Variants in MDGA2 observed in about 807,000 individuals in gnomAD.
The protein encoded by MDGA2 is MAM domain containing glycosylphosphatidylinositol anchor 2.
A neutral mutation model predicts 117.8 loss-of-function variants in MDGA2; 40 were observed. That is an observed-to-expected ratio of 0.34 (90% CI 0.26 to 0.44). MDGA2 has a LOEUF of 0.44. Ranked by LOEUF, MDGA2 falls within the 20% of genes least tolerant of loss-of-function variation. MDGA2 has a pLI of 1.00. For missense variants in MDGA2, 1,123 were observed against 1,250.6 expected (o/e 0.90, Z 1.54); for synonymous variants, 452 against 439.0 (o/e 1.03, Z -0.37).
chr14:46,875,205 G>C (rs1882176557), intron 12 of MDGA2, among the ~76,000 whole-genome samples: 1 of 151,800 alleles, frequency 6.6e-6, no homozygotes, highest in East Asian at 1.9e-4. Flanking sequence ...TTAAAGAACA[G>C]AGACTTCCAT....
intron 1 of MDGA2, 27 bp from the exon 2 acceptor site, chr14:47,301,577 A>C (rs933559274): frequency 1.3e-6 from 2 of 1,551,256 alleles, no homozygotes; most frequent in Admixed American, 3.9e-5. Context: ...AAGAGAGACA[A>C]GATACATGAA....
At chr14:46,925,737 A>C (rs958442983) in intron 9 of MDGA2, among the ~76,000 whole-genome samples, 1 of 152,114 alleles carries the variant, frequency 6.6e-6, no homozygotes, top group African/African-American at 2.4e-5. Context: ...CATTCTATGA[A>C]AGAATAATTG....
intron 9 of MDGA2, among the ~76,000 whole-genome samples, chr14:46,947,806 C>T (rs554918881): frequency 1.3e-5 from 2 of 151,908 alleles, no homozygotes; most frequent in Non-Finnish European, 2.9e-5. Flanking sequence ...TGAAAACAGA[C>T]TAATACAGTC....
intron 1 of MDGA2, among the ~76,000 whole-genome samples, chr14:47,640,179 G>C (rs919287382): frequency 6.6e-6 from 1 of 152,088 alleles, no homozygotes; most frequent in Non-Finnish European, 1.5e-5. Flanking sequence ...TCACCCTCAA[G>C]TTTAATGCCA....
At chr14:47,169,422 T>C (rs1436787973) in intron 3 of MDGA2, among the ~76,000 whole-genome samples, 2 of 151,888 alleles carry the variant, frequency 1.3e-5, no homozygotes, top group Non-Finnish European at 2.9e-5. Context: ...GTTGTATGCA[T>C]GAAGCCAATA....
chr14:47,363,414 T>C, intron 1 of MDGA2, among the ~76,000 whole-genome samples: 1 of 151,896 alleles, frequency 6.6e-6, no homozygotes, highest in East Asian at 1.9e-4. Flanking sequence ...CACACCAACA[T>C]ACCCGGCTAC....
chr14:47,259,171 C>G (rs1032351045), intron 2 of MDGA2, among the ~76,000 whole-genome samples: 121 of 151,966 alleles, frequency 8.0e-4, no homozygotes, highest in Non-Finnish European at 8.5e-4. Flanking sequence ...ATTAAGGTTG[C>G]TCAGTATGTG....
chr14:47,432,512 A>G (rs937792221), intron 1 of MDGA2, among the ~76,000 whole-genome samples: 1 of 152,086 alleles, frequency 6.6e-6, no homozygotes, highest in African/African-American at 2.4e-5. Flanking sequence ...TATTTAGCTG[A>G]AATTTCTCCA....
intron 1 of MDGA2, among the ~76,000 whole-genome samples, chr14:47,621,570 A>C (rs1371562785): frequency 2.6e-5 from 4 of 152,132 alleles, no homozygotes; most frequent in Non-Finnish European, 4.4e-5. Context: ...GCATCTCTTC[A>C]TAAGTATAAC....
At chr14:46,984,764 G>A (rs924768253) in intron 8 of MDGA2, among the ~76,000 whole-genome samples, 2 of 151,854 alleles carry the variant, frequency 1.3e-5, no homozygotes, top group South Asian at 2.1e-4. Context: ...TTACTTCCAC[G>A]TTCTAATTTT....
Position 46,953,985 on chromosome 14 carries a change from G to A in MDGA2, c.2089+3389C>T, listed in dbSNP as rs60347029. 1.4e-4 allele frequency among the ~76,000 whole-genome samples: 22 copies of A among 152,076 alleles called. No individual in the cohort carries two copies. The East Asian group carries it at 2.7e-3, about 19-fold the overall frequency. ...GTCATCTGGTTTCCTATATAATCAAGCTGCTGGAAACATCTTTTCTCTGCT... is the reference window on the plus strand; with the variant it reads ...GTCATCTGGTTTCCTATATAATCAAACTGCTGGAAACATCTTTTCTCTGCT... On this transcript the variant is annotated intron_variant, in intron 9 of 16. Transcript: ENST00000399232.
intron 8 of MDGA2, among the ~76,000 whole-genome samples, chr14:47,032,566 C>T (rs193152793): frequency 5.9e-4 from 90 of 152,112 alleles, no homozygotes; most frequent in African/African-American, 2.0e-3. Flanking sequence ...TAGTTCAGCC[C>T]GGGCAACAGA....
At chr14:47,551,002 T>C (rs1895570421) in intron 1 of MDGA2, among the ~76,000 whole-genome samples, 1 of 152,166 alleles carries the variant, frequency 6.6e-6, no homozygotes, top group African/African-American at 2.4e-5. Flanking sequence ...CTAGCCTTTT[T>C]AAAGCACAAA....
chr14:47,631,639 A>C (rs1350132748), intron 1 of MDGA2, among the ~76,000 whole-genome samples: 1 of 152,050 alleles, frequency 6.6e-6, no homozygotes, highest in Admixed American at 6.6e-5. Flanking sequence ...TTCACCCAAT[A>C]TCTCTCCTAT....
chr14:47,097,978 A>G (rs1018719182), intron 5 of MDGA2, among the ~76,000 whole-genome samples: 2 of 152,016 alleles, frequency 1.3e-5, no homozygotes, highest in African/African-American at 4.8e-5. Context: ...CTTCACATAT[A>G]GCACATTTTT....
intron 1 of MDGA2, among the ~76,000 whole-genome samples, chr14:47,419,528 T>C (rs1892536910): frequency 6.6e-6 from 1 of 152,060 alleles, no homozygotes; most frequent in African/African-American, 2.4e-5. Context: ...AATAATAAAC[T>C]TGATTTATTA....
chr14:47,548,759 C>G (rs1895515456), intron 1 of MDGA2, among the ~76,000 whole-genome samples: 1 of 149,328 alleles, frequency 6.7e-6, no homozygotes, highest in African/African-American at 2.4e-5. Context: ...TGAATGTGGC[C>G]AGCGTGCACA....
chr14:47,666,442 A>T (rs917877988), intron 1 of MDGA2, among the ~76,000 whole-genome samples: 3 of 152,212 alleles, frequency 2.0e-5, no homozygotes, highest in South Asian at 4.1e-4. Flanking sequence ...TAAATGCACC[A>T]ATCAGCACTC....
intron 6 of MDGA2, among the ~76,000 whole-genome samples, chr14:47,073,762 G>A: frequency 6.6e-6 from 1 of 152,152 alleles, no homozygotes; most frequent in East Asian, 1.9e-4. Context: ...TCCAGAGAGT[G>A]GCAGCTTCAT....
Sources: allele counts gnomAD v4.1 joint callset (sites outside exome capture counted in the v4.1 genomes callset), GRCh38; gene constraint gnomAD v4.1.1; transcripts MANE v1.5; gene names NCBI Gene and HGNC (gene_info 2026-07-23, HGNC 2026-07-21).